Variants in CEP83 observed in about 807,000 individuals in gnomAD.
CEP83 encodes centrosomal protein 83.
A neutral mutation model predicts 101.9 loss-of-function variants in CEP83; 70 were observed. The ratio of observed to expected loss-of-function variants is 0.69; its 90% CI spans 0.57 to 0.84. The LOEUF (loss-of-function observed/expected upper bound fraction) is 0.84. Among genes scored for constraint, CEP83 ranks in the 40% least tolerant of loss-of-function variants. The probability of loss-of-function intolerance (pLI) is 0.00; values close to 1 mark genes in which losing one functional copy is unlikely to be tolerated. For synonymous variants in CEP83, 264 were observed against 267.9 expected (o/e 0.99, Z 0.14); for missense variants, 715 against 787.2 (o/e 0.91, Z 1.10).
At chr12:94,409,523 T>C (rs1215680253) in intron 4 of CEP83, among the ~76,000 whole-genome samples, 5 of 152,190 alleles carry the variant, frequency 3.3e-5, no homozygotes, top group Non-Finnish European at 5.9e-5. Context: ...CCAGGTTCTC[T>C]AGCACTGAAA....
intron 8 of CEP83, among the ~76,000 whole-genome samples, chr12:94,374,725 G>C (rs1452105666): frequency 6.6e-6 from 1 of 152,156 alleles, no homozygotes; most frequent in Admixed American, 6.5e-5. Flanking sequence ...ACACAGACTA[G>C]TCAATGGACT....
chr12:94,331,357 C>CTTTTTT lies in CEP83; in HGVS notation c.1707+337_1707+342dup, dbSNP rs1161292599. 3.1e-4 allele frequency among the ~76,000 whole-genome samples: 21 copies of CTTTTTT among 66,808 alleles called. 2 individuals carry two copies. Among genetic ancestry groups the CTTTTTT allele is most frequent in the Non-Finnish European group, 5.2e-4 (18 of 34,740 alleles). 43.8% of individuals were successfully genotyped at this position (66,808 alleles called of 152,430 possible). ...TACTCCATAGAAATCACCTTTTTTCCTTTTTTTTTTTTTTTTTTTTTTTTT... is the reference window on the plus strand; with the variant it reads ...TACTCCATAGAAATCACCTTTTTTCCTTTTTTTTTTTTTTTTTTTTTTTTTTTTTTT... On this transcript the variant is annotated intron_variant, in intron 14 of 16. Coordinates refer to ENST00000397809, the MANE Select transcript of CEP83 (RefSeq NM_016122.3).
Position 94,309,975 on chromosome 12 carries a change from G to C in CEP83, c.1944C>G (p.Ser648Arg). 6.2e-7 allele frequency: 1 copy of C among 1,611,448 alleles called. No homozygotes were observed. Among genetic ancestry groups the C allele is most frequent in the Non-Finnish European group, 8.5e-7 (1 of 1,178,396 alleles). The stretch of plus-strand genomic sequence containing the variant: ...TTGGAACCATGGCTGATGACTGAAA[G>C]CTAACAGGATTGATAGATGCTGTTG... ...MPPTASINPV[S>R]FQSSAMVPSM... Residue 648 changes from serine (S) to arginine (R), a missense_variant, in exon 16 of 17, where the codon AGC becomes AGG. Coordinates refer to ENST00000397809, the MANE Select transcript of CEP83 (RefSeq NM_016122.3).
At chr12:94,331,279 C>T (rs1361652334) in intron 14 of CEP83, among the ~76,000 whole-genome samples, 3 of 71,390 alleles carry the variant, frequency 4.2e-5, no homozygotes, top group Non-Finnish European at 6.6e-5. Flanking sequence ...TGATGGGAGT[C>T]AGACTCTCAG....
chr12:94,366,170 T>C (rs1432103077), intron 11 of CEP83, among the ~76,000 whole-genome samples: 2 of 152,038 alleles, frequency 1.3e-5, no homozygotes, highest in Admixed American at 6.6e-5. Flanking sequence ...TTCTGTCCTT[T>C]AGAACCATGT....
intron 10 of CEP83, 39 bp downstream of exon 10, chr12:94,368,018 A>C (rs1332930049): frequency 4.4e-6 from 7 of 1,604,100 alleles, no homozygotes; most frequent in Non-Finnish European, 6.0e-6. Flanking sequence ...TTTCATTTGC[A>C]AGGATATTTA....
At chr12:94,443,845 T>C (rs1481727277) in intron 1 of CEP83, among the ~76,000 whole-genome samples, 1 of 151,988 alleles carries the variant, frequency 6.6e-6, no homozygotes, top group African/African-American at 2.4e-5. Context: ...TTTATAACTA[T>C]ATAAACTACG....
intron 6 of CEP83, among the ~76,000 whole-genome samples, chr12:94,397,886 ATTACC>A (rs2062997992): frequency 6.6e-6 from 1 of 152,230 alleles, no homozygotes; most frequent in African/African-American, 2.4e-5. Context: ...TAGTGTATAT[ATTACC>A]AGCTATTTAA....
chr12:94,294,334 C>T, the CEP83 span: 1 of 529,254 alleles, frequency 1.9e-6, no homozygotes, highest in African/African-American at 1.9e-5. Flanking sequence ...GTCCCAGCCT[C>T]CAGCACAGTG....
At chr12:94,315,680 C>T (rs188921267) in intron 14 of CEP83, among the ~76,000 whole-genome samples, 300 of 151,886 alleles carry the variant, frequency 2.0e-3, no homozygotes, top group African/African-American at 6.5e-3. Flanking sequence ...CCCAAGTTTT[C>T]ATCTAGAAGC....
the CEP83 span, chr12:94,278,108 C>T: frequency 8.8e-6 from 4 of 453,500 alleles, no homozygotes; most frequent in Admixed American, 9.5e-5. Context: ...TGTCTTCTCC[C>T]TTCCTTCTTG....
chr12:94,323,928 C>T (rs2058857131), intron 14 of CEP83, among the ~76,000 whole-genome samples: 1 of 152,188 alleles, frequency 6.6e-6, no homozygotes, highest in African/African-American at 2.4e-5. Context: ...TTATGTTTCA[C>T]ACTAGAGATC....
intron 6 of CEP83, among the ~76,000 whole-genome samples, chr12:94,379,267 G>A (rs2061707282): frequency 1.3e-5 from 2 of 152,124 alleles, no homozygotes; most frequent in African/African-American, 2.4e-5. Context: ...TCCACGTGGT[G>A]TCTAGAACAG....
intron 1 of CEP83, among the ~76,000 whole-genome samples, chr12:94,442,830 C>T (rs1286827794): frequency 2.0e-5 from 3 of 152,178 alleles, no homozygotes; most frequent in Non-Finnish European, 2.9e-5. Context: ...ATCCTCTATC[C>T]TCTATTTATA....
At chr12:94,382,624 T>C (rs376632593) in intron 6 of CEP83, among the ~76,000 whole-genome samples, 13 of 152,128 alleles carry the variant, frequency 8.5e-5, no homozygotes, top group African/African-American at 3.1e-4. Flanking sequence ...TTTTTAAGTA[T>C]GTCATTTCAT....
chr12:94,309,801 TGTG>T, intron 16 of CEP83, 114 bp downstream of exon 16: 1 of 552,544 alleles, frequency 1.8e-6, no homozygotes, highest in Non-Finnish European at 3.1e-6. Flanking sequence ...ATGCCATTTT[TGTG>T]GTGAATTTTG....
intron 11 of CEP83, among the ~76,000 whole-genome samples, chr12:94,338,795 G>C (rs559556184): frequency 6.6e-6 from 1 of 152,214 alleles, no homozygotes; most frequent in African/African-American, 2.4e-5. Context: ...GGAGGGCCAA[G>C]TTACAACAGA....
At chr12:94,347,634 A>G (rs2060001091) in intron 11 of CEP83, among the ~76,000 whole-genome samples, 1 of 152,220 alleles carries the variant, frequency 6.6e-6, no homozygotes, top group Non-Finnish European at 1.5e-5. Context: ...ATTATTCATA[A>G]TAGCCCCCAA....
At chr12:94,304,411 A>G (rs898676849), downstream of CEP83, 1 of 180,058 alleles carries the variant, frequency 5.6e-6, no homozygotes, top group African/African-American at 2.3e-5. Context: ...TAAATTGCCT[A>G]GATTCTGTAT....
Sources: allele counts gnomAD v4.1 joint callset (sites outside exome capture counted in the v4.1 genomes callset), GRCh38; gene constraint gnomAD v4.1.1; transcripts MANE v1.5; gene names NCBI Gene and HGNC (gene_info 2026-07-23, HGNC 2026-07-21).